Variants in ANK3 observed in about 807,000 individuals in gnomAD.
ANK3 encodes the protein ankyrin 3, also known as ankyrin-3.
In ANK3, 57 loss-of-function variants were observed where a neutral mutation model predicts 370.9. The observed-to-expected ratio is 0.15, with a 90% CI of 0.12 to 0.19. The LOEUF (loss-of-function observed/expected upper bound fraction) is 0.19. Among genes scored for constraint, ANK3 ranks in the 10% least tolerant of loss-of-function variants. The probability of loss-of-function intolerance (pLI) is 1.00; values close to 1 mark genes in which losing one functional copy is unlikely to be tolerated. For missense variants in ANK3, 4,439 were observed against 5,302.1 expected, an observed-to-expected ratio of 0.84 and a Z score of 5.06; for synonymous variants, 1,929 against 1,946.3, an observed-to-expected ratio of 0.99 and a Z score of 0.23.
intron 35 of ANK3, chr10:60,081,617 T>A: frequency 2.8e-6 from 1 of 359,376 alleles, no homozygotes; most frequent in South Asian, 2.2e-5. Context: ...ACAACATAAG[T>A]TTATTTGTAC....
At chr10:60,619,137 C>G (rs2078302355) in intron 1 of ANK3, among the ~76,000 whole-genome samples, 1 of 152,084 alleles carries the variant, frequency 6.6e-6, no homozygotes, top group South Asian at 2.1e-4. Flanking sequence ...CCCTCCCAAA[C>G]CTCTCTGTAC....
At position 60,042,719 on chromosome 10, in the gene ANK3, C is replaced by T. The variant is rs141939315; in HGVS notation, c.13106G>A (p.Arg4369Gln). ...GFKVKTKKEI[R>Q]HVEKKSHS ...CGAGTGGCTCTTCTTTTCCACATGC[C>T]GGATTTCTTTCTTCGTTTTCACCTT... The change falls in exon 43 of 44, where the codon CGG (arginine) becomes CAG (glutamine). Residue 4369 changes from arginine to glutamine, a missense_variant. Transcript: ENST00000280772. 10,280 of 1,613,858 alleles carry T rather than the reference C, an allele frequency of 6.4e-3. 54 individuals carry two copies. The highest frequency in any genetic ancestry group is 0.013 in the Middle Eastern group (80 of 6,062).
chr10:60,131,959 G>A (rs1307311797), intron 25 of ANK3, among the ~76,000 whole-genome samples: 2 of 152,098 alleles, frequency 1.3e-5, no homozygotes, highest in Non-Finnish European at 2.9e-5. Context: ...TTGATACCTG[G>A]GGAGTCTCCT....
At chr10:60,384,498 C>T (rs983699515) in intron 1 of ANK3, among the ~76,000 whole-genome samples, 1 of 152,160 alleles carries the variant, frequency 6.6e-6, no homozygotes. Flanking sequence ...ATACTACATA[C>T]CTTGTATGGC....
At chr10:60,379,106 A>G (rs776367058) in intron 1 of ANK3, among the ~76,000 whole-genome samples, 6 of 152,128 alleles carry the variant, frequency 3.9e-5, no homozygotes, top group Non-Finnish European at 8.8e-5. Flanking sequence ...GAAAAATGCT[A>G]AACATCACTA....
At chr10:60,265,472 T>C (rs2097862363) in intron 5 of ANK3, among the ~76,000 whole-genome samples, 1 of 151,994 alleles carries the variant, frequency 6.6e-6, no homozygotes, top group African/African-American at 2.4e-5. Flanking sequence ...TTACCTAGAG[T>C]TGTTGAATGT....
intron 1 of ANK3, among the ~76,000 whole-genome samples, chr10:60,722,383 G>A (rs2079876341): frequency 1.3e-5 from 2 of 151,986 alleles, no homozygotes; most frequent in Admixed American, 6.6e-5. Flanking sequence ...GATGGAGACT[G>A]TAGTGAGCTA....
chr10:60,452,550 ACCCTC>A (rs1452088997), intron 2 of ANK3, among the ~76,000 whole-genome samples: 1 of 152,198 alleles, frequency 6.6e-6, no homozygotes, highest in Non-Finnish European at 1.5e-5. Context: ...AGGAGGGGGA[ACCCTC>A]ATAATAAATC....
intron 2 of ANK3, among the ~76,000 whole-genome samples, chr10:60,417,412 C>G (rs2063691263): frequency 6.6e-6 from 1 of 152,152 alleles, no homozygotes; most frequent in Non-Finnish European, 1.5e-5. Context: ...AGAGGCTGAT[C>G]TGACTATCCA....
intron 33 of ANK3, 124 bp from the exon 34 acceptor site, chr10:60,082,861 G>A (rs538911296): frequency 1.7e-6 from 2 of 1,155,314 alleles, no homozygotes; most frequent in South Asian, 1.6e-5. Context: ...AAAGGGAAAA[G>A]ATGATGATTA....
intron 1 of ANK3, among the ~76,000 whole-genome samples, chr10:60,717,061 C>T (rs1300743174): frequency 6.6e-6 from 1 of 152,076 alleles, no homozygotes; most frequent in Non-Finnish European, 1.5e-5. Context: ...TTTATTAAGC[C>T]GGTATTCCAC....
At chr10:60,140,093 C>A (rs2094498987) in intron 23 of ANK3, 1 of 495,096 alleles carries the variant, frequency 2.0e-6, no homozygotes, top group Non-Finnish European at 3.5e-6. Context: ...CCAATTCCTG[C>A]ATTCGGTACT....
At chr10:60,403,983 A>G (rs575181623) in intron 2 of ANK3, among the ~76,000 whole-genome samples, 1 of 152,338 alleles carries the variant, frequency 6.6e-6, no homozygotes, top group South Asian at 2.1e-4. Flanking sequence ...ATTTAAAAAA[A>G]GAACAATTCT....
intron 39 of ANK3, 100 bp downstream of exon 39, chr10:60,064,057 A>G (rs2081157005): frequency 1.7e-6 from 2 of 1,162,116 alleles, no homozygotes; most frequent in Non-Finnish European, 2.3e-6. Flanking sequence ...TAAAGATTAC[A>G]GAAAATTACA....
chr10:60,364,053 G>A (rs1476926629), intron 1 of ANK3, among the ~76,000 whole-genome samples: 4 of 150,184 alleles, frequency 2.7e-5, no homozygotes, highest in Middle Eastern at 3.2e-3. Flanking sequence ...CAGCACTTTC[G>A]GAGGCTGAGG....
chr10:60,085,772 C>T (rs937800878), intron 30 of ANK3, among the ~76,000 whole-genome samples: 3 of 152,058 alleles, frequency 2.0e-5, no homozygotes, highest in East Asian at 1.9e-4. Flanking sequence ...CCTGCGACCA[C>T]GCCCAGCTAA....
chr10:60,540,376 T>A (rs917671992), intron 2 of ANK3, among the ~76,000 whole-genome samples: 1 of 151,938 alleles, frequency 6.6e-6, no homozygotes, highest in African/African-American at 2.4e-5. Flanking sequence ...GAGGGACGAC[T>A]GTGTTTTAAG....
chr10:60,646,531 C>A (rs2078711476), intron 1 of ANK3, among the ~76,000 whole-genome samples: 4 of 152,150 alleles, frequency 2.6e-5, no homozygotes, highest in African/African-American at 4.8e-5. Context: ...GGCAACATAG[C>A]AAGACTGCAT....
chr10:60,108,982 G>A lies in ANK3; in HGVS notation c.3021C>T (p.Ile1007=). The A allele has an allele frequency of 1.9e-6, 3 of 1,614,048 alleles. No homozygotes were observed. Among genetic ancestry groups the A allele is most frequent in the Middle Eastern group, 3.3e-4 (2 of 6,046 alleles). ...CCGTACACTTGCGTGGAGGAATGAT[G>A]ATTCTCATCCCGTGATGACGGCTTC... ...MRGSRHHGMR[I]IIPPRKCTAP... is the part of the protein sequence containing the mutation. The change falls in exon 27 of 44, where the codon ATC becomes ATT. Residue 1007 remains isoleucine (I), a synonymous_variant. Transcript: ENST00000280772.
Sources: gnomAD v4.1 joint callset for allele counts (sites outside exome capture counted in the v4.1 genomes callset) on GRCh38, gnomAD v4.1.1 for gene constraint, MANE v1.5 for transcripts, NCBI Gene and HGNC (gene_info 2026-07-23, HGNC 2026-07-21) for gene names.